Variants in SLC39A10 observed in about 807,000 individuals in gnomAD.
SLC39A10 encodes the protein solute carrier family 39 member 10.
In SLC39A10, 13 loss-of-function variants were observed where a neutral mutation model predicts 65.1. The ratio of observed to expected loss-of-function variants is 0.20; its 90% CI spans 0.13 to 0.32. SLC39A10 has a LOEUF of 0.32. Among genes scored for constraint, SLC39A10 ranks in the 10% least tolerant of loss-of-function variants. The pLI is 1.00. For synonymous variants in SLC39A10, 321 were observed against 342.2 expected (o/e 0.94, Z 0.68); for missense variants, 831 against 1,018.4 (o/e 0.82, Z 2.50).
At chr2:195,706,035 T>A (rs1385644781) in intron 3 of SLC39A10, among the ~76,000 whole-genome samples, 1 of 151,998 alleles carries the variant, frequency 6.6e-6, no homozygotes, top group Non-Finnish European at 1.5e-5. Context: ...TGGAACCAGG[T>A]GTGGAGAAAA....
chr2:195,664,162 A>G (rs908886476), intron 1 of SLC39A10, among the ~76,000 whole-genome samples: 1 of 151,478 alleles, frequency 6.6e-6, no homozygotes, highest in South Asian at 2.1e-4. Flanking sequence ...ATTTCATGGA[A>G]TATATAATTT....
upstream of SLC39A10, among the ~76,000 whole-genome samples, chr2:195,653,294 AT>A (rs71015715): frequency 0.95 from 123,078 of 129,180 alleles, 58,596 homozygotes; most frequent in Middle Eastern, 0.98. Flanking sequence ...CTGTGCCTGA[AT>A]TTTTTTTTTT....
rs760954296 is a variant in SLC39A10, at chr2:195,716,964, T to C, written c.2024T>C (p.Met675Thr). 3.1e-6 allele frequency: 5 copies of C among 1,614,158 alleles called. No individual in the cohort carries two copies. The highest frequency in any genetic ancestry group is 4.2e-6 in the Non-Finnish European group (5 of 1,180,014). Reference sequence around the variant, plus strand: ...GCTAATATAGCCTGGATGGTGATCATGGGGGATGGCATCCACAACTTCAGT... The same window carrying C: ...GCTAATATAGCCTGGATGGTGATCACGGGGGATGGCATCCACAACTTCAGT... ...GIANIAWMVI[M>T]GDGIHNFSDG... The change falls in exon 7 of 10, where the codon ATG becomes ACG. Residue 675 changes from methionine to threonine, a missense_variant. Met to Thr is a moderately conservative substitution (Grantham distance 81, BLOSUM62 -1). This residue lies in a region of SLC39A10 where 120 missense variants were observed against 203.9 expected (regional missense o/e 0.59). Transcript: ENST00000359634.
chr2:195,688,764 A>G (rs1387534225), intron 3 of SLC39A10, among the ~76,000 whole-genome samples: 3 of 152,176 alleles, frequency 2.0e-5, no homozygotes, highest in Admixed American at 6.5e-5. Flanking sequence ...AATGTGTGTT[A>G]CATGCAAAAT....
chr2:195,624,339 A>AATG (rs1688415131), intron 2 of SLC39A10, among the ~76,000 whole-genome samples: 2 of 149,374 alleles, frequency 1.3e-5, no homozygotes, highest in Non-Finnish European at 3.0e-5. Flanking sequence ...GTGAGCCGAA[A>AATG]TCGTGCCACT....
intron 3 of SLC39A10, among the ~76,000 whole-genome samples, chr2:195,695,339 T>G (rs1250586249): frequency 6.6e-6 from 1 of 152,170 alleles, no homozygotes; most frequent in Non-Finnish European, 1.5e-5. Context: ...AGGGGGATTA[T>G]GGCTGCCTCT....
chr2:195,684,038 G>A, intron 3 of SLC39A10, 132 bp downstream of exon 3: 1 of 682,606 alleles, frequency 1.5e-6, no homozygotes, highest in Non-Finnish European at 2.4e-6. Flanking sequence ...ATTTTAATCA[G>A]GTTTAGATAT....
At chr2:195,627,749 A>G (rs972325539) in intron 2 of SLC39A10, among the ~76,000 whole-genome samples, 5 of 152,222 alleles carry the variant, frequency 3.3e-5, no homozygotes, top group East Asian at 1.9e-4. Flanking sequence ...TGTGCATTGT[A>G]TACTGAATGG....
intron 2 of SLC39A10, among the ~76,000 whole-genome samples, chr2:195,645,279 T>G (rs537226469): frequency 6.6e-6 from 1 of 152,170 alleles, no homozygotes; most frequent in South Asian, 2.1e-4. Context: ...TACTGGCTAA[T>G]GTCATTGCCT....
At chr2:195,705,680 TTA>T (rs1226383730) in intron 3 of SLC39A10, among the ~76,000 whole-genome samples, 1 of 152,206 alleles carries the variant, frequency 6.6e-6, no homozygotes, top group Non-Finnish European at 1.5e-5. Context: ...ATTAAAATCT[TTA>T]TAAAATTATT....
intron 8 of SLC39A10, among the ~76,000 whole-genome samples, chr2:195,722,853 G>A (rs1013835781): frequency 1.3e-5 from 2 of 152,188 alleles, no homozygotes; most frequent in African/African-American, 2.4e-5. Flanking sequence ...GGAAAAACAT[G>A]TTTTCCAATT....
intron 5 of SLC39A10, among the ~76,000 whole-genome samples, chr2:195,713,146 C>T (rs1057365029): frequency 1.3e-5 from 2 of 152,094 alleles, no homozygotes; most frequent in African/African-American, 4.8e-5. Context: ...ATGTTATACA[C>T]GTTTCATTTG....
chr2:195,682,491 T>C lies in SLC39A10; in HGVS notation c.1009-1208T>C, dbSNP rs1426011686. Among the ~76,000 whole-genome samples the C allele has an allele frequency of 2.8e-5, 4 of 144,680 alleles. No individual in the cohort carries two copies. The Admixed American group carries it at 2.9e-4, about 10-fold the overall frequency. 94.9% of individuals were successfully genotyped at this position (144,680 alleles called of 152,430 possible). A position where few individuals can be genotyped will look rare whatever the true frequency, so the allele number is the denominator to read the frequency against. Reference sequence around the variant, plus strand: ...ATTTTTTGTAAAGATGGGGTCTCACTATATTGCCCAGACTGGTCTCAAACT... The same window carrying C: ...ATTTTTTGTAAAGATGGGGTCTCACCATATTGCCCAGACTGGTCTCAAACT... On this transcript the variant is annotated intron_variant, in intron 2 of 9. Transcript: ENST00000359634.
chr2:195,682,555 G>A (rs1690365928), intron 2 of SLC39A10, among the ~76,000 whole-genome samples: 1 of 152,068 alleles, frequency 6.6e-6, no homozygotes, highest in Non-Finnish European at 1.5e-5. Context: ...ACTTCCCAAA[G>A]TGCTGGGATT....
At chr2:195,734,158 T>TAA (rs1559054819) in intron 9 of SLC39A10, among the ~76,000 whole-genome samples, 371 of 62,478 alleles carry the variant, frequency 5.9e-3, no homozygotes, top group South Asian at 0.044. Context: ...TCCTTTTTTT[T>TAA]TAAAAAAAAA....
Position 195,632,588 on chromosome 2 carries a change from A to C in SLC39A10, c.-12+26355A>C, listed in dbSNP as rs184845874. On this transcript the variant is annotated intron_variant, in intron 2 of 2. Transcript: ENST00000458054. ...CTCCCAAACTGCTGGGATTACAGGC[A>C]TGAGCCACCACACCTGGCTCTACTT... Among the ~76,000 whole-genome samples the C allele has an allele frequency of 6.0e-4, 91 of 152,254 alleles. 1 individual carries two copies. Among genetic ancestry groups the C allele is most frequent in the Admixed American group, 1.8e-3 (27 of 15,294 alleles).
chr2:195,646,952 G>A (rs563523475), intron 2 of SLC39A10, among the ~76,000 whole-genome samples: 16 of 152,114 alleles, frequency 1.1e-4, no homozygotes, highest in Non-Finnish European at 1.8e-4. Flanking sequence ...AAGGTTGGGG[G>A]ACTGCTGCCT....
intron 2 of SLC39A10, among the ~76,000 whole-genome samples, chr2:195,683,228 A>G (rs188162187): frequency 1.3e-4 from 19 of 150,416 alleles, no homozygotes; most frequent in Admixed American, 4.0e-4. Context: ...TTTTGTTCCT[A>G]TCAACCGACA....
At chr2:195,672,794 A>G (rs1410533542) in intron 1 of SLC39A10, among the ~76,000 whole-genome samples, 2 of 152,184 alleles carry the variant, frequency 1.3e-5, no homozygotes, top group Non-Finnish European at 2.9e-5. Flanking sequence ...ACAGTGAGAT[A>G]ACATGCATTA....
Sources: allele counts gnomAD v4.1 joint callset (sites outside exome capture counted in the v4.1 genomes callset), GRCh38; gene constraint gnomAD v4.1.1; regional missense constraint gnomAD v4.1.1; transcripts MANE v1.5; gene names NCBI Gene and HGNC (gene_info 2026-07-23, HGNC 2026-07-21).